The following FBXO11 variants were observed in gnomAD, a reference collection of about 807,000 sequenced individuals.
FBXO11 encodes the protein F-box protein 11.
In FBXO11, 13 loss-of-function variants were observed where a neutral mutation model predicts 117.0. That is an observed-to-expected ratio of 0.11 (90% CI 0.07 to 0.18). The LOEUF is 0.18. Ranked by LOEUF, FBXO11 falls within the 10% of genes least tolerant of loss-of-function variation. The pLI is 1.00. For missense variants in FBXO11, 767 were observed against 1,164.4 expected, an observed-to-expected ratio of 0.66 and a Z score of 4.97; for synonymous variants, 490 against 380.5, an observed-to-expected ratio of 1.29 and a Z score of -3.35.
intron 1 of FBXO11, among the ~76,000 whole-genome samples, chr2:47,885,306 T>C (rs1241861650): frequency 2.0e-5 from 3 of 152,102 alleles, no homozygotes; most frequent in African/African-American, 7.2e-5. Flanking sequence ...TCAAGAACAA[T>C]GTGTAAGCCA....
chr2:47,838,396 G>T (rs907873824), intron 4 of FBXO11, among the ~76,000 whole-genome samples: 6 of 151,932 alleles, frequency 3.9e-5, no homozygotes, highest in Admixed American at 2.0e-4. Flanking sequence ...CGAAAAATCT[G>T]TACATAAAGC....
At chr2:47,872,089 A>G (rs1026120500) in intron 1 of FBXO11, among the ~76,000 whole-genome samples, 4 of 152,072 alleles carry the variant, frequency 2.6e-5, no homozygotes, top group Non-Finnish European at 4.4e-5. Context: ...GCTGCTTCCA[A>G]TGCTCTGGCT....
At chr2:47,900,314 G>C (rs888723819) in intron 1 of FBXO11, among the ~76,000 whole-genome samples, 1 of 152,066 alleles carries the variant, frequency 6.6e-6, no homozygotes, top group African/African-American at 2.4e-5. Flanking sequence ...GCCACCAGAT[G>C]ACAGAGTAGT....
In FBXO11 at chr2:47,869,240, C is replaced by T. The variant is rs540611084; in HGVS notation, c.233-29471G>A. ...TGCTTCTTGTCTCTGTGAGCTTATG[C>T]TCTGCTGGCCTAAAAGTTTTAGTTC... On this transcript the variant is annotated intron_variant, in intron 1 of 22. Coordinates refer to ENST00000403359, the MANE Select transcript of FBXO11 (RefSeq NM_001190274.2). Among the ~76,000 whole-genome samples, 108 of 152,288 alleles carry T rather than the reference C, an allele frequency of 7.1e-4. 3 individuals are homozygous for T. In the South Asian group the frequency reaches 0.022, roughly 31 times the overall value.
chr2:47,819,536 T>C (rs1279391996), intron 14 of FBXO11, among the ~76,000 whole-genome samples: 4 of 152,154 alleles, frequency 2.6e-5, no homozygotes, highest in Non-Finnish European at 4.4e-5. Flanking sequence ...ATGTAGCCTC[T>C]ACCTGAGTTT....
At chr2:47,891,510 T>C (rs1449401169) in intron 1 of FBXO11, among the ~76,000 whole-genome samples, 1 of 152,248 alleles carries the variant, frequency 6.6e-6, no homozygotes, top group Non-Finnish European at 1.5e-5. Context: ...TCTTTATTTC[T>C]TCATCTGTCA....
intron 1 of FBXO11, among the ~76,000 whole-genome samples, chr2:47,888,063 T>C (rs1314649747): frequency 3.9e-5 from 6 of 152,140 alleles, no homozygotes; most frequent in Non-Finnish European, 8.8e-5. Context: ...TATGTATGTA[T>C]TCTTTAATTC....
intron 1 of FBXO11, among the ~76,000 whole-genome samples, chr2:47,885,892 A>T (rs774822037): frequency 6.6e-6 from 1 of 151,624 alleles, no homozygotes; most frequent in Non-Finnish European, 1.5e-5. Context: ...TCATTCCTCA[A>T]GGTATAGTTT....
At chr2:47,877,439 A>T (rs1453993009) in intron 1 of FBXO11, among the ~76,000 whole-genome samples, 2 of 152,224 alleles carry the variant, frequency 1.3e-5, no homozygotes, top group Non-Finnish European at 2.9e-5. Flanking sequence ...ACTAAGCAAC[A>T]AAACTTAGGA....
chr2:47,897,821 G>A (rs562571352), intron 1 of FBXO11, among the ~76,000 whole-genome samples: 4 of 151,104 alleles, frequency 2.6e-5, no homozygotes, highest in Non-Finnish European at 2.9e-5. Flanking sequence ...GAGTAAAAAT[G>A]AGATTATCAC....
At chr2:47,820,811 G>A (rs1671323553) in intron 13 of FBXO11, among the ~76,000 whole-genome samples, 1 of 151,918 alleles carries the variant, frequency 6.6e-6, no homozygotes, top group African/African-American at 2.4e-5. Context: ...GTGTTGATGT[G>A]AGTATTATAT....
chr2:47,809,537 G>T, intron 20 of FBXO11, 63 bp downstream of exon 20: 2 of 1,188,280 alleles, frequency 1.7e-6, no homozygotes, highest in Admixed American at 2.0e-5. Flanking sequence ...GTTATAAAAC[G>T]GCTTCTGATT....
intron 1 of FBXO11, among the ~76,000 whole-genome samples, chr2:47,896,351 A>T (rs867562488): frequency 8.5e-4 from 125 of 147,470 alleles, no homozygotes; most frequent in African/African-American, 2.8e-3. Flanking sequence ...TTTTGAGACA[A>T]GGTCTTAAAA....
chr2:47,813,539 C>T (rs1353971486), intron 17 of FBXO11, among the ~76,000 whole-genome samples, 162 bp from the exon 18 acceptor site: 1 of 142,636 alleles, frequency 7.0e-6, no homozygotes, highest in Non-Finnish European at 1.5e-5. Context: ...TCAAGTGATT[C>T]TCCTGCCTCA....
intron 1 of FBXO11, among the ~76,000 whole-genome samples, chr2:47,892,346 G>T (rs995045136): frequency 6.6e-6 from 1 of 152,136 alleles, no homozygotes; most frequent in Non-Finnish European, 1.5e-5. Flanking sequence ...ACCCGAAAGG[G>T]TATATTTTCT....
chr2:47,827,807 G>A (rs935468595), intron 11 of FBXO11, among the ~76,000 whole-genome samples: 6 of 149,862 alleles, frequency 4.0e-5, no homozygotes, highest in Middle Eastern at 3.5e-3. Context: ...AGCAATTTTC[G>A]TGCCTCAGCC....
rs1196485436 is a variant in FBXO11 at position 47,833,000 on chromosome 2, G to C, written c.1005C>G (p.Gly335=). The change falls in exon 8 of 23, where the codon GGC becomes GGG. Residue 335 remains glycine, a synonymous_variant. Transcript: ENST00000403359. ...TRDSTFVFME[G]SEDAYVGYMT... ...TATATCCAACATAAGCATCTTCAGA[G>C]CCTTCCATAAAAACGAAGGTTGAAT... The C allele has an allele frequency of 6.2e-7, 1 of 1,613,552 alleles. No homozygotes were observed. Among genetic ancestry groups the C allele is most frequent in the South Asian group, 1.1e-5 (1 of 91,066 alleles).
chr2:47,904,785 G>A (rs1678622929), intron 1 of FBXO11, among the ~76,000 whole-genome samples: 1 of 152,100 alleles, frequency 6.6e-6, no homozygotes, highest in Non-Finnish European at 1.5e-5. Context: ...GCTGGAAATG[G>A]CCGATGGATT....
rs187990310 is a variant in FBXO11 at position 47,816,569 on chromosome 2, C to T, written c.2006+2210G>A. Among the ~76,000 whole-genome samples, 92 of 152,308 alleles carry T rather than the reference C, an allele frequency of 6.0e-4. 4 individuals carry two copies. The East Asian group carries it at 0.017, about 27-fold the overall frequency. On this transcript the variant is annotated intron_variant, in intron 16 of 22. Coordinates refer to ENST00000403359, the MANE Select transcript of FBXO11 (RefSeq NM_001190274.2). ...CTTTGCCCAGATCCATCAGAGGAAT[C>T]ACTATCTATGGCAACTACTGCTTTC...
Sources: gnomAD v4.1 joint callset for allele counts (sites outside exome capture counted in the v4.1 genomes callset) on GRCh38, gnomAD v4.1.1 for gene constraint, MANE v1.5 for transcripts, NCBI Gene and HGNC (gene_info 2026-07-23, HGNC 2026-07-21) for gene names.